The following MDGA2 variants were observed in gnomAD, a reference collection of about 807,000 sequenced individuals.
MDGA2 encodes the protein MAM domain-containing glycosylphosphatidylinositol anchor protein 2.
Under a neutral mutation model 117.8 loss-of-function variants are expected in MDGA2, and 40 were observed. The ratio of observed to expected loss-of-function variants is 0.34; its 90% CI spans 0.26 to 0.44. The LOEUF is 0.44. MDGA2 is among the 20% of genes least tolerant of loss of function. The pLI is 1.00. For synonymous variants in MDGA2, 452 were observed against 439.0 expected, an observed-to-expected ratio of 1.03 and a Z score of -0.37; for missense variants, 1,123 against 1,250.6, an observed-to-expected ratio of 0.90 and a Z score of 1.54.
At chr14:47,320,495 G>A (rs1037318106) in intron 1 of MDGA2, among the ~76,000 whole-genome samples, 1 of 152,068 alleles carries the variant, frequency 6.6e-6, no homozygotes, top group Non-Finnish European at 1.5e-5. Context: ...GATAGCATCC[G>A]ATACATCTAC....
At chr14:47,501,305 A>C (rs1678383917) in intron 1 of MDGA2, among the ~76,000 whole-genome samples, 1 of 152,200 alleles carries the variant, frequency 6.6e-6, no homozygotes, top group Admixed American at 6.5e-5. Flanking sequence ...AGGATGAGAT[A>C]GAGTCCTTTA....
At chr14:47,121,814 G>C (rs1881666835) in intron 5 of MDGA2, among the ~76,000 whole-genome samples, 1 of 152,046 alleles carries the variant, frequency 6.6e-6, no homozygotes, top group South Asian at 2.1e-4. Flanking sequence ...TCCTGACAGT[G>C]ACTTTTTCTA....
At chr14:46,919,403 A>C (rs1884036239) in intron 10 of MDGA2, among the ~76,000 whole-genome samples, 1 of 152,238 alleles carries the variant, frequency 6.6e-6, no homozygotes, top group Non-Finnish European at 1.5e-5. Flanking sequence ...AATTTCAAAA[A>C]TATCATTTAA....
At position 47,240,761 on chromosome 14, in the gene MDGA2, G is replaced by A. The variant is rs1157793695; in HGVS notation, c.421-22566C>T. ...TACCCAGAAAGGAAAATGTAAAGCAGAAGCAGTGTGCTAAATTGCTGTTGC... is the reference window on the plus strand; with the variant it reads ...TACCCAGAAAGGAAAATGTAAAGCAAAAGCAGTGTGCTAAATTGCTGTTGC... On this transcript the variant is annotated intron_variant, in intron 2 of 16. Transcript: ENST00000399232. 2.0e-5 allele frequency among the ~76,000 whole-genome samples: 3 copies of A among 151,928 alleles called. 1 individual carries two copies. The highest frequency in any genetic ancestry group is 4.4e-5 in the Non-Finnish European group (3 of 67,866).
intron 1 of MDGA2, among the ~76,000 whole-genome samples, chr14:47,357,449 G>A (rs1891020262): frequency 6.6e-6 from 1 of 152,204 alleles, no homozygotes; most frequent in Admixed American, 6.5e-5. Flanking sequence ...ATTGGCCTTA[G>A]ACTATTTACT....
At chr14:47,061,730 A>G (rs979207645) in intron 6 of MDGA2, 152 bp from the exon 7 acceptor site, 5 of 620,544 alleles carry the variant, frequency 8.1e-6, no homozygotes, top group East Asian at 5.7e-5. Flanking sequence ...GTGTACATCA[A>G]AAAACCTCAT....
At chr14:46,972,121 G>T (rs888311285) in intron 8 of MDGA2, among the ~76,000 whole-genome samples, 13 of 152,124 alleles carry the variant, frequency 8.5e-5, no homozygotes, top group African/African-American at 3.1e-4. Flanking sequence ...ACAGGGATTT[G>T]TAACTGGCAT....
intron 1 of MDGA2, among the ~76,000 whole-genome samples, chr14:47,323,427 A>G (rs142753705): frequency 8.6e-4 from 130 of 151,842 alleles, no homozygotes; most frequent in African/African-American, 2.9e-3. Context: ...GGAGTTCGAG[A>G]CTAGCCTGGC....
At position 47,334,988 on chromosome 14, in the gene MDGA2, G is replaced by A. The variant is rs181422394; in HGVS notation, c.281-33438C>T. Among the ~76,000 whole-genome samples the A allele has an allele frequency of 4.6e-3, 695 of 151,952 alleles. 8 individuals carry two copies. The highest frequency in any genetic ancestry group is 0.015 in the African/African-American group (638 of 41,492). On this transcript the variant is annotated intron_variant, in intron 1 of 16. Coordinates refer to ENST00000399232, the MANE Select transcript of MDGA2 (RefSeq NM_001113498.3). ...TAATCTGGAGTAGCTTTGAAATTGG[G>A]TGGTTTGTAAGATAGCAGTAAAATT...
chr14:47,371,685 A>T (rs574533529), intron 1 of MDGA2, among the ~76,000 whole-genome samples: 2 of 151,730 alleles, frequency 1.3e-5, no homozygotes, highest in Non-Finnish European at 3.0e-5. Flanking sequence ...TTCCAACTGT[A>T]AGAATAAGAG....
At chr14:47,074,685 C>G (rs1890426551) in intron 6 of MDGA2, among the ~76,000 whole-genome samples, 1 of 152,186 alleles carries the variant, frequency 6.6e-6, no homozygotes, top group Admixed American at 6.5e-5. Context: ...TGTATACAAC[C>G]TATTCTGACC....
intron 1 of MDGA2, among the ~76,000 whole-genome samples, chr14:47,665,235 G>A (rs1024502460): frequency 1.3e-5 from 2 of 152,016 alleles, no homozygotes; most frequent in African/African-American, 4.8e-5. Flanking sequence ...ACCACAATAG[G>A]AAATGTAATT....
chr14:47,516,763 A>T (rs543494476), intron 1 of MDGA2, among the ~76,000 whole-genome samples: 1 of 152,326 alleles, frequency 6.6e-6, no homozygotes, highest in Non-Finnish European at 1.5e-5. Context: ...CCTTTAGATC[A>T]AGATGTACAT....
intron 15 of MDGA2, among the ~76,000 whole-genome samples, chr14:46,854,661 A>G (rs960743309): frequency 3.3e-5 from 5 of 151,870 alleles, no homozygotes; most frequent in Non-Finnish European, 4.4e-5. Context: ...GAAAAATTCA[A>G]ACAGATTGAG....
chr14:47,604,096 A>T (rs1188210480), intron 1 of MDGA2, among the ~76,000 whole-genome samples: 1 of 152,152 alleles, frequency 6.6e-6, no homozygotes, highest in Non-Finnish European at 1.5e-5. Flanking sequence ...GGTCACAGGT[A>T]TTACTTTATA....
intron 1 of MDGA2, among the ~76,000 whole-genome samples, chr14:47,619,785 C>A (rs540008435): frequency 6.6e-6 from 1 of 152,362 alleles, no homozygotes; most frequent in South Asian, 2.1e-4. Flanking sequence ...CAGTTGGACA[C>A]TTTTCACCAC....
rs1243679778 is a variant in MDGA2, at chr14:47,306,331, C to A, written c.281-4781G>T. On this transcript the variant is annotated intron_variant, in intron 1 of 16. Transcript: ENST00000399232. ...CTTGATCGCCATGGAACTCACATTA[C>A]CCACCGTTGGGGGAATCTTGAGATG... Among the ~76,000 whole-genome samples, 6 of 152,282 alleles carry A rather than the reference C, an allele frequency of 3.9e-5. No homozygotes were observed. In the East Asian group the frequency reaches 1.2e-3, roughly 30 times the overall value.
intron 3 of MDGA2, among the ~76,000 whole-genome samples, chr14:47,172,858 A>G (rs1269307336): frequency 1.3e-5 from 2 of 152,216 alleles, no homozygotes; most frequent in Non-Finnish European, 2.9e-5. Context: ...TCCGAGCTAC[A>G]GGAGGAAATT....
chr14:47,638,489 G>T (rs542088288), intron 1 of MDGA2, among the ~76,000 whole-genome samples: 100 of 152,306 alleles, frequency 6.6e-4, no homozygotes, highest in African/African-American at 2.3e-3. Flanking sequence ...TAGGTAAGAA[G>T]TAGGAATTAC....
Sources: allele counts gnomAD v4.1 joint callset (sites outside exome capture counted in the v4.1 genomes callset), GRCh38; gene constraint gnomAD v4.1.1; transcripts MANE v1.5; gene names NCBI Gene and HGNC (gene_info 2026-07-23, HGNC 2026-07-21).